TIFAB: variants seen among roughly 807,000 people sequenced by gnomAD.
TIFAB encodes TRAF-interacting protein with FHA domain-containing protein B.
For synonymous variants in TIFAB, 116 were observed against 95.2 expected (o/e 1.22, Z -1.27); for missense variants, 222 against 203.6 (o/e 1.09, Z -0.55).
In TIFAB at chr5:135,446,181, A is replaced by T; in HGVS notation, c.*3273T>A. Reference sequence around the variant, plus strand: ...AACTTTCCCGTTTTCTACAAGAAGAAACTGTGGCACGGAGAGATTCAGTTA... The same window carrying T: ...AACTTTCCCGTTTTCTACAAGAAGATACTGTGGCACGGAGAGATTCAGTTA... On this transcript the variant is annotated 3_prime_UTR_variant, in exon 2 of 2. Coordinates refer to ENST00000537858, the MANE Select transcript of TIFAB (RefSeq NM_001099221.2). 1.5e-6 allele frequency: 1 copy of T among 645,930 alleles called. No homozygotes were observed. 40.0% of individuals were successfully genotyped at this position (645,930 alleles called of 1,614,324 possible).
In TIFAB at chr5:135,446,831, A is replaced by G. The variant is rs1432588260; in HGVS notation, c.*2623T>C. ...TTCACTCGAAAGATTGGAGTTGCAGAGTCCCCTGTGGAGGAATTGAACTGC... is the reference window on the plus strand; with the variant it reads ...TTCACTCGAAAGATTGGAGTTGCAGGGTCCCCTGTGGAGGAATTGAACTGC... On this transcript the variant is annotated 3_prime_UTR_variant, in exon 2 of 2. Transcript: ENST00000537858. 2 of 1,613,932 alleles carry G rather than the reference A, an allele frequency of 1.2e-6. No individual in the cohort carries two copies. The highest frequency in any genetic ancestry group is 4.5e-5 in the East Asian group (2 of 44,876).
In TIFAB at chr5:135,449,859, T is replaced by A; in HGVS notation, c.81A>T (p.Pro27=). 1 of 1,588,074 alleles carries A rather than the reference T, an allele frequency of 6.3e-7. No individual in the cohort carries two copies. The highest frequency in any genetic ancestry group is 8.6e-7 in the Non-Finnish European group (1 of 1,164,708). ...LGPSAFANVP[P]RLQHDTSPLL... ...GAGGGCTGGTATCATGCTGCAGCCG[T>A]GGTGGGACATTGGCAAAGGCAGATG... is the stretch of plus-strand genomic sequence containing the variant. Residue 27 remains proline (P), a synonymous_variant, in exon 2 of 2, where the codon CCA becomes CCT. Transcript: ENST00000537858.
At position 135,449,879 on chromosome 5, in the gene TIFAB, C is replaced by T; in HGVS notation, c.61G>A (p.Ala21Thr). Residue 21 changes from alanine to threonine, a missense_variant, in exon 2 of 2, where the codon GCC (alanine) becomes ACC (threonine). By Grantham distance (58) the Ala-to-Thr change is moderately conservative. Transcript: ENST00000537858. ...SLYHPTLGPSAFANVPPRLQH... is the reference protein window; with the variant it reads ...SLYHPTLGPSTFANVPPRLQH... Reference sequence around the variant, plus strand: ...AGCCGTGGTGGGACATTGGCAAAGGCAGATGGGCCCAGCGTGGGATGGTAC... The same window carrying T: ...AGCCGTGGTGGGACATTGGCAAAGGTAGATGGGCCCAGCGTGGGATGGTAC... 1 of 1,572,270 alleles carries T rather than the reference C, an allele frequency of 6.4e-7. No individual in the cohort carries two copies. The highest frequency in any genetic ancestry group is 8.6e-7 in the Non-Finnish European group (1 of 1,156,834).
chr5:135,449,607 C>A lies in TIFAB; in HGVS notation c.333G>T (p.Gln111His), dbSNP rs1384216483. ...TGCCTTCTTCTACGCGAACCAGCAT[C>A]TGGATGCCTGAGAAGGAGACCCTGT... ...TVNRVSFSGI[Q>H]MLVRVEEGTS... The change falls in exon 2 of 2, where the codon CAG (glutamine) becomes CAT (histidine). Residue 111 changes from glutamine (Q) to histidine (H), a missense_variant. Gln to His is a conservative substitution (Grantham distance 24, BLOSUM62 0). Coordinates refer to ENST00000537858, the MANE Select transcript of TIFAB (RefSeq NM_001099221.2). The A allele has an allele frequency of 2.5e-6, 4 of 1,614,118 alleles. No individual in the cohort carries two copies. The highest frequency in any genetic ancestry group is 3.4e-6 in the Non-Finnish European group (4 of 1,180,064).
rs529711801 is a variant in TIFAB at position 135,447,954 on chromosome 5, A to G, written c.*1500T>C. 12 of 152,302 alleles carry G rather than the reference A, an allele frequency of 7.9e-5. No homozygotes were observed. Among genetic ancestry groups the G allele is most frequent in the Admixed American group, 2.6e-4 (4 of 15,284 alleles). The allele number at this position is 152,302 out of a possible 1,614,324, so 9.4% of individuals were successfully genotyped here. A position where few individuals can be genotyped will look rare whatever the true frequency, so the allele number is the denominator to read the frequency against. The stretch of plus-strand genomic sequence containing the variant: ...GTGAAGGTTTGCTGAATGAATGAGG[A>G]ACTGCTTTGGGGGTCCCAAGGGGTC... On this transcript the variant is annotated 3_prime_UTR_variant, in exon 2 of 2. Transcript: ENST00000537858.
In TIFAB at chr5:135,445,170, GCTGA is replaced by G. The variant is rs1357082209; in HGVS notation, c.*4280_*4283del. The G allele has an allele frequency of 6.6e-6, 1 of 152,144 alleles. No individual in the cohort carries two copies. The highest frequency in any genetic ancestry group is 1.5e-5 in the Non-Finnish European group (1 of 68,054). 9.4% of individuals were successfully genotyped at this position (152,144 alleles called of 1,614,324 possible). A position where few individuals can be genotyped will look rare whatever the true frequency, so the allele number is the denominator to read the frequency against. On this transcript the variant is annotated 3_prime_UTR_variant, in exon 2 of 2. Transcript: ENST00000537858. ...TGAGCCTCTGCAGGGGACAGGAAGT[GCTGA>G]CTGAGAACTGTCTCTCTGTGACATG...
Position 135,449,635 on chromosome 5 carries a change from ACGGTGCTC to A in TIFAB, c.297_304del (p.Ser100GlnfsTer39), listed in dbSNP as rs1260039988. 6.2e-7 allele frequency: 1 copy of A among 1,614,076 alleles called. No individual in the cohort carries two copies. Among genetic ancestry groups the A allele is most frequent in the South Asian group, 1.1e-5 (1 of 91,090 alleles). Reference sequence around the variant, plus strand: ...GATGCCTGAGAAGGAGACCCTGTTGACGGTGCTCAGGGGGACCTGCTCCAGGTACCTCA... The same window carrying A: ...GATGCCTGAGAAGGAGACCCTGTTGAAGGGGGACCTGCTCCAGGTACCTCA... On this transcript the variant is annotated frameshift_variant, in exon 2 of 2. Coordinates refer to ENST00000537858, the MANE Select transcript of TIFAB (RefSeq NM_001099221.2). LOFTEE classifies it low-confidence loss of function (END_TRUNC).
chr5:135,451,775 C>A (rs145342691), intron 1 of TIFAB, among the ~76,000 whole-genome samples: 3 of 152,238 alleles, frequency 2.0e-5, no homozygotes, highest in Admixed American at 6.5e-5. Context: ...TAAGCCACCA[C>A]GCCCAGCCAG....
At position 135,448,916 on chromosome 5, in the gene TIFAB, C is replaced by T. The variant is rs575943607; in HGVS notation, c.*538G>A. On this transcript the variant is annotated 3_prime_UTR_variant, in exon 2 of 2. Coordinates refer to ENST00000537858, the MANE Select transcript of TIFAB (RefSeq NM_001099221.2). Reference sequence around the variant, plus strand: ...TACACTCAGGCTTTCCTAAGCCCCGCGTGCCTGTGGGTATTTGAAAGCTGA... The same window carrying T: ...TACACTCAGGCTTTCCTAAGCCCCGTGTGCCTGTGGGTATTTGAAAGCTGA... 2.8e-4 allele frequency: 45 copies of T among 160,844 alleles called. No individual in the cohort carries two copies. The highest frequency in any genetic ancestry group is 4.7e-4 in the Non-Finnish European group (34 of 72,068). 10.0% of individuals were successfully genotyped at this position (160,844 alleles called of 1,614,324 possible).
At position 135,449,934 on chromosome 5, in the gene TIFAB, C is replaced by G. The variant is rs369737428; in HGVS notation, c.6G>C (p.Glu2Asp). 108 of 1,518,244 alleles carry G rather than the reference C, an allele frequency of 7.1e-5. No homozygotes were observed. The highest frequency in any genetic ancestry group is 8.8e-5 in the Non-Finnish European group (100 of 1,132,926). 94.0% of individuals were successfully genotyped at this position (1,518,244 alleles called of 1,614,324 possible). ...TCACTCGCAGGACGGTGAGGGGCTT[C>G]TCCATGGAAGAAGTCCTGGGAAGTT... M[E>D]KPLTVLRVSL... is the part of the protein sequence containing the mutation. Residue 2 changes from glutamate (E) to aspartate (D), a missense_variant, in exon 2 of 2, where the codon GAG becomes GAC. Glu to Asp is a conservative substitution (Grantham distance 45, BLOSUM62 2). Transcript: ENST00000537858.
chr5:135,447,397 G>A lies in TIFAB; in HGVS notation c.*2057C>T, dbSNP rs1490011719. The stretch of plus-strand genomic sequence containing the variant: ...TCTTCCTTAGCTCCGTGTGGATGGT[G>A]AGCCCTCCTCTCTCAGGTCTCATGA... On this transcript the variant is annotated 3_prime_UTR_variant, in exon 2 of 2. Coordinates refer to ENST00000537858, the MANE Select transcript of TIFAB (RefSeq NM_001099221.2). 1.0e-5 allele frequency: 5 copies of A among 484,076 alleles called. No individual in the cohort carries two copies. Among genetic ancestry groups the A allele is most frequent in the African/African-American group, 9.8e-5 (5 of 50,830 alleles). The allele number at this position is 484,076 out of a possible 1,614,324, so 30.0% of individuals were successfully genotyped here. A position where few individuals can be genotyped will look rare whatever the true frequency, so the allele number is the denominator to read the frequency against.
In TIFAB at chr5:135,446,587, A is replaced by G. The variant is rs1769268978; in HGVS notation, c.*2867T>C. The G allele has an allele frequency of 6.2e-7, 1 of 1,613,796 alleles. No individual in the cohort carries two copies. The highest frequency in any genetic ancestry group is 8.5e-7 in the Non-Finnish European group (1 of 1,179,870). ...GATCTGATGATTTCAGTGATTTTCTACTCAAGAAAAATGAAGTCTCGGATG... is the reference window on the plus strand; with the variant it reads ...GATCTGATGATTTCAGTGATTTTCTGCTCAAGAAAAATGAAGTCTCGGATG... On this transcript the variant is annotated 3_prime_UTR_variant, in exon 2 of 2. Coordinates refer to ENST00000537858, the MANE Select transcript of TIFAB (RefSeq NM_001099221.2).
chr5:135,449,385 G>T lies in TIFAB; in HGVS notation c.*69C>A. The T allele has an allele frequency of 6.3e-7, 1 of 1,576,612 alleles. No individual in the cohort carries two copies. The stretch of plus-strand genomic sequence containing the variant: ...AGCTGTATTTCTGTTCCTCCTCCAG[G>T]TCTTGGCTGGAGAGGGCTGTCCCAA... On this transcript the variant is annotated 3_prime_UTR_variant, in exon 2 of 2. Transcript: ENST00000537858.
In TIFAB at chr5:135,448,392, T is replaced by C. The variant is rs1487895717; in HGVS notation, c.*1062A>G. ...AAACCACACTCTCCCCTTCTCAGCA[T>C]GGCGTGGCAAATAGCTGCTGCCCTT... On this transcript the variant is annotated 3_prime_UTR_variant, in exon 2 of 2. Transcript: ENST00000537858. 1 of 152,138 alleles carries C rather than the reference T, an allele frequency of 6.6e-6. No homozygotes were observed. Among genetic ancestry groups the C allele is most frequent in the East Asian group, 1.9e-4 (1 of 5,184 alleles). 9.4% of individuals were successfully genotyped at this position (152,138 alleles called of 1,614,324 possible).
Position 135,447,991 on chromosome 5 carries a change from C to T in TIFAB, c.*1463G>A, listed in dbSNP as rs1306994659. ...GGTCCCAAGGGGTCATTCACAGCAT[C>T]AGAGAGCCCCTTCCTAGCAGCCCTG... On this transcript the variant is annotated 3_prime_UTR_variant, in exon 2 of 2. Transcript: ENST00000537858. 1 of 152,214 alleles carries T rather than the reference C, an allele frequency of 6.6e-6. No homozygotes were observed. Among genetic ancestry groups the T allele is most frequent in the African/African-American group, 2.4e-5 (1 of 41,442 alleles). The allele number at this position is 152,214 out of a possible 1,614,324, so 9.4% of individuals were successfully genotyped here.
Position 135,447,546 on chromosome 5 carries a change from A to T in TIFAB, c.*1908T>A. On this transcript the variant is annotated 3_prime_UTR_variant, in exon 2 of 2. Coordinates refer to ENST00000537858, the MANE Select transcript of TIFAB (RefSeq NM_001099221.2). ...ATCTTACCCATTTTCCAGCGGGAGAAATAGAGGCAAGAGCAGACTAAATCA... is the reference window on the plus strand; with the variant it reads ...ATCTTACCCATTTTCCAGCGGGAGATATAGAGGCAAGAGCAGACTAAATCA... 1 of 184,878 alleles carries T rather than the reference A, an allele frequency of 5.4e-6. No homozygotes were observed. The highest frequency in any genetic ancestry group is 1.1e-5 in the Non-Finnish European group (1 of 87,916). The allele number at this position is 184,878 out of a possible 1,614,324, so 11.5% of individuals were successfully genotyped here. A position where few individuals can be genotyped will look rare whatever the true frequency, so the allele number is the denominator to read the frequency against.
In TIFAB at chr5:135,446,699, C is replaced by A; in HGVS notation, c.*2755G>T. On this transcript the variant is annotated 3_prime_UTR_variant, in exon 2 of 2. Coordinates refer to ENST00000537858, the MANE Select transcript of TIFAB (RefSeq NM_001099221.2). ...TGTGTGAACTGTGAACGGGTAGAGTCTGAAACTACAAACCAGATGTTTCCG... is the reference window on the plus strand; with the variant it reads ...TGTGTGAACTGTGAACGGGTAGAGTATGAAACTACAAACCAGATGTTTCCG... 1 of 1,613,836 alleles carries A rather than the reference C, an allele frequency of 6.2e-7. No homozygotes were observed. The highest frequency in any genetic ancestry group is 1.3e-5 in the African/African-American group (1 of 75,042).
Position 135,446,468 on chromosome 5 carries a change from C to A in TIFAB, c.*2986G>T. ...CACCCGCCTGCTCTGGCTGTCTGAG[C>A]AGGTGAGGGATAGTGATATCAAGTG... On this transcript the variant is annotated 3_prime_UTR_variant, in exon 2 of 2. Transcript: ENST00000537858. The A allele has an allele frequency of 2.5e-6, 4 of 1,613,960 alleles. No individual in the cohort carries two copies. Among genetic ancestry groups the A allele is most frequent in the Non-Finnish European group, 3.4e-6 (4 of 1,179,850 alleles).
rs957646850 is a variant in TIFAB at position 135,447,349 on chromosome 5, G to A, written c.*2105C>T. ...AGCACAGGTAAGCCCTTGGGTTCTGGAGCCAGCTTACTGGGGTGTGAGTCT... is the reference window on the plus strand; with the variant it reads ...AGCACAGGTAAGCCCTTGGGTTCTGAAGCCAGCTTACTGGGGTGTGAGTCT... On this transcript the variant is annotated 3_prime_UTR_variant, in exon 2 of 2. Coordinates refer to ENST00000537858, the MANE Select transcript of TIFAB (RefSeq NM_001099221.2). 1.6e-5 allele frequency: 9 copies of A among 575,932 alleles called. No homozygotes were observed. Among genetic ancestry groups the A allele is most frequent in the Non-Finnish European group, 6.3e-6 (2 of 318,788 alleles). 35.7% of individuals were successfully genotyped at this position (575,932 alleles called of 1,614,324 possible).
Sources: gnomAD v4.1 joint callset for allele counts (sites outside exome capture counted in the v4.1 genomes callset) on GRCh38, gnomAD v4.1.1 for gene constraint, MANE v1.5 for transcripts, NCBI Gene and HGNC (gene_info 2026-07-23, HGNC 2026-07-21) for gene names.